SERGEF: variants seen among roughly 807,000 people sequenced by gnomAD.
SERGEF encodes the protein secretion regulating guanine nucleotide exchange factor.
A neutral mutation model predicts 50.0 loss-of-function variants in SERGEF; 51 were observed. The ratio of observed to expected loss-of-function variants is 1.02; its 90% CI spans 0.81 to 1.29. SERGEF has a LOEUF of 1.29. Ranked by LOEUF, SERGEF falls within the 50% of genes most tolerant of loss-of-function variation. The pLI, the probability that SERGEF is intolerant of heterozygous loss-of-function variation, is 0.00. For synonymous variants in SERGEF, 205 were observed against 212.4 expected (o/e 0.97, Z 0.30); for missense variants, 521 against 557.0 (o/e 0.94, Z 0.65).
chr11:17,990,563 T>C (rs1194611583), intron 7 of SERGEF, among the ~76,000 whole-genome samples: 1 of 152,230 alleles, frequency 6.6e-6, no homozygotes, highest in African/African-American at 2.4e-5. Flanking sequence ...TTCACTTATC[T>C]TAGTAGCTCT....
intron 10 of SERGEF, among the ~76,000 whole-genome samples, chr11:17,792,378 T>TG (rs765964683): frequency 6.6e-6 from 1 of 152,328 alleles, no homozygotes; most frequent in African/African-American, 2.4e-5. Flanking sequence ...GTATGGGCTT[T>TG]GTGCCCGGCC....
At chr11:17,800,340 G>A (rs1454623860) in intron 10 of SERGEF, among the ~76,000 whole-genome samples, 1 of 152,096 alleles carries the variant, frequency 6.6e-6, no homozygotes, top group Non-Finnish European at 1.5e-5. Flanking sequence ...GGATGATCTT[G>A]GTGTTGTACA....
At chr11:17,839,700 G>A (rs762134126) in intron 10 of SERGEF, among the ~76,000 whole-genome samples, 12 of 152,136 alleles carry the variant, frequency 7.9e-5, no homozygotes, top group East Asian at 1.9e-4. Context: ...CACCATCCAC[G>A]CGCACATGCC....
At chr11:17,808,767 G>A (rs781458759) in intron 10 of SERGEF, among the ~76,000 whole-genome samples, 4 of 152,190 alleles carry the variant, frequency 2.6e-5, no homozygotes, top group Admixed American at 1.3e-4. Flanking sequence ...GGCCAACTTC[G>A]TAGCTAGTAT....
chr11:17,854,634 A>T (rs2133875815), intron 10 of SERGEF, among the ~76,000 whole-genome samples: 1 of 152,318 alleles, frequency 6.6e-6, no homozygotes, highest in East Asian at 1.9e-4. Flanking sequence ...CAAGCTTGCT[A>T]GCCAGTCTCC....
intron 8 of SERGEF, among the ~76,000 whole-genome samples, chr11:17,967,704 C>T (rs1414282405): frequency 6.6e-6 from 1 of 152,170 alleles, no homozygotes; most frequent in Non-Finnish European, 1.5e-5. Flanking sequence ...AAGCCCCAGT[C>T]CTAGTTTGTT....
intron 8 of SERGEF, among the ~76,000 whole-genome samples, chr11:17,978,249 C>G (rs1396111106): frequency 1.3e-5 from 2 of 152,090 alleles, no homozygotes; most frequent in African/African-American, 4.8e-5. Flanking sequence ...AACACTGGCT[C>G]CCTGCCCTAA....
At chr11:17,974,934 G>C (rs576596230) in intron 8 of SERGEF, among the ~76,000 whole-genome samples, 2 of 152,334 alleles carry the variant, frequency 1.3e-5, no homozygotes, top group African/African-American at 4.8e-5. Context: ...TCTGGGGCTG[G>C]CTGGGGGAGA....
chr11:17,882,948 G>C (rs544750811), intron 9 of SERGEF, among the ~76,000 whole-genome samples: 3 of 152,288 alleles, frequency 2.0e-5, no homozygotes, highest in Non-Finnish European at 4.4e-5. Context: ...GCAAGTTCCA[G>C]CTTGCTGATT....
chr11:17,938,022 T>C (rs1231541737), intron 9 of SERGEF, among the ~76,000 whole-genome samples: 5 of 152,224 alleles, frequency 3.3e-5, no homozygotes, highest in African/African-American at 1.2e-4. Context: ...GTGGCCACTA[T>C]GCCATCACCA....
chr11:17,907,375 A>G (rs1407586087), intron 9 of SERGEF, among the ~76,000 whole-genome samples: 3 of 152,182 alleles, frequency 2.0e-5, no homozygotes, highest in Non-Finnish European at 4.4e-5. Flanking sequence ...GCTCTATTCT[A>G]TTCCATAAAA....
At chr11:17,797,699 T>G (rs944773891) in intron 10 of SERGEF, among the ~76,000 whole-genome samples, 54 of 152,204 alleles carry the variant, frequency 3.5e-4, no homozygotes, top group African/African-American at 1.2e-3. Flanking sequence ...TTGGCATAGG[T>G]TAGCGCTCAA....
chr11:17,827,675 G>C (rs538175152), intron 10 of SERGEF, among the ~76,000 whole-genome samples: 1 of 152,274 alleles, frequency 6.6e-6, no homozygotes, highest in Admixed American at 6.5e-5. Flanking sequence ...CAGAAAAACA[G>C]ATTTGGGAAA....
chr11:17,889,117 C>A (rs7119188), intron 9 of SERGEF, among the ~76,000 whole-genome samples: 32,434 of 152,056 alleles, frequency 0.21, 3,704 homozygotes, highest in Middle Eastern at 0.29. Context: ...AATAATTGGG[C>A]TAGAAAATAA....
At chr11:17,975,861 CA>C (rs1853360751) in intron 8 of SERGEF, among the ~76,000 whole-genome samples, 2 of 152,190 alleles carry the variant, frequency 1.3e-5, no homozygotes, top group Admixed American at 1.3e-4. Flanking sequence ...AACTACACCA[CA>C]GAGCACTTCC....
At chr11:17,985,595 G>A (rs1282049619) in intron 8 of SERGEF, among the ~76,000 whole-genome samples, 2 of 152,170 alleles carry the variant, frequency 1.3e-5, no homozygotes, top group Non-Finnish European at 2.9e-5. Context: ...GCAGCACCAT[G>A]AGCCTGAGAC....
At chr11:17,996,317 T>G (rs1853836048) in intron 5 of SERGEF, among the ~76,000 whole-genome samples, 1 of 152,148 alleles carries the variant, frequency 6.6e-6, no homozygotes, top group South Asian at 2.1e-4. Flanking sequence ...ACTGAGGCCC[T>G]GAAGAGAGGA....
chr11:17,972,278 A>G (rs1383129868), intron 8 of SERGEF, among the ~76,000 whole-genome samples: 1 of 152,246 alleles, frequency 6.6e-6, no homozygotes, highest in Non-Finnish European at 1.5e-5. Context: ...ATCAAACAGC[A>G]TTGCATGCTA....
chr11:17,948,025 T>C (rs1391957255), intron 9 of SERGEF, among the ~76,000 whole-genome samples: 1 of 150,358 alleles, frequency 6.7e-6, no homozygotes, highest in African/African-American at 2.5e-5. Context: ...CAATCTCAGC[T>C]AACTGCAACC....
Sources: gnomAD v4.1 joint callset for allele counts (sites outside exome capture counted in the v4.1 genomes callset) on GRCh38, gnomAD v4.1.1 for gene constraint, MANE v1.5 for transcripts, NCBI Gene and HGNC (gene_info 2026-07-23, HGNC 2026-07-21) for gene names.